MTHFD1L: variants seen among roughly 807,000 people sequenced by gnomAD.
MTHFD1L encodes monofunctional C1-tetrahydrofolate synthase, mitochondrial.
A neutral mutation model predicts 119.5 loss-of-function variants in MTHFD1L; 81 were observed. That is an observed-to-expected ratio of 0.68 (90% CI 0.57 to 0.82). The LOEUF (loss-of-function observed/expected upper bound fraction) is 0.82. MTHFD1L is among the 40% of genes least tolerant of loss of function. The pLI is 0.00. For synonymous variants in MTHFD1L, 430 were observed against 475.2 expected (o/e 0.90, Z 1.24); for missense variants, 1,125 against 1,253.4 (o/e 0.90, Z 1.55).
Position 150,945,459 on chromosome 6 carries a change from G to GT in MTHFD1L, c.1549-3dup, listed in dbSNP as rs781288644. The GT allele has an allele frequency of 5.6e-6, 9 of 1,609,244 alleles. No individual in the cohort carries two copies. The highest frequency in any genetic ancestry group is 7.6e-6 in the Non-Finnish European group (9 of 1,178,576). On this transcript the variant is annotated splice_polypyrimidine_tract_variant and splice_region_variant and intron_variant, in intron 14 of 27. Coordinates refer to ENST00000367321, the MANE Select transcript of MTHFD1L (RefSeq NM_015440.5). Reference sequence around the variant, plus strand: ...TTGTGTGGTCTCATTTTTGTTTTGTGTTTTTAGGCTCTGTATAATCGGCTG... The same window carrying GT: ...TTGTGTGGTCTCATTTTTGTTTTGTGTTTTTTAGGCTCTGTATAATCGGCTG...
chr6:151,001,385 A>G (rs951486532), intron 20 of MTHFD1L, among the ~76,000 whole-genome samples: 1 of 152,222 alleles, frequency 6.6e-6, no homozygotes, highest in South Asian at 2.1e-4. Context: ...CGGAAAAACT[A>G]TCTCAGCACT....
chr6:150,971,829 A>G (rs573571286), intron 19 of MTHFD1L, 118 bp from the exon 20 acceptor site: 319 of 752,282 alleles, frequency 4.2e-4, no homozygotes, highest in Admixed American at 1.0e-3. Context: ...GAAATATTTT[A>G]TGCATTAAAT....
chr6:150,917,290 G>A lies in MTHFD1L; in HGVS notation c.893-1287G>A, dbSNP rs547154562. 4.8e-3 allele frequency among the ~76,000 whole-genome samples: 727 copies of A among 152,124 alleles called. 4 individuals carry two copies. Among genetic ancestry groups the A allele is most frequent in the Middle Eastern group, 0.017 (5 of 294 alleles). On this transcript the variant is annotated intron_variant, in intron 8 of 27. Coordinates refer to ENST00000367321, the MANE Select transcript of MTHFD1L (RefSeq NM_015440.5). Reference sequence around the variant, plus strand: ...TATAACCCCAGCACTTTGGGAGGCCGAGGTGGGCAGATCACTGAGGCCAGG... The same window carrying A: ...TATAACCCCAGCACTTTGGGAGGCCAAGGTGGGCAGATCACTGAGGCCAGG...
intron 26 of MTHFD1L, among the ~76,000 whole-genome samples, chr6:151,070,291 C>T (rs750165115): frequency 6.6e-6 from 1 of 152,082 alleles, no homozygotes; most frequent in Non-Finnish European, 1.5e-5. Flanking sequence ...CTTAGAAGTC[C>T]CCAAAAATGC....
chr6:151,025,986 AT>A (rs1251944869), intron 24 of MTHFD1L, among the ~76,000 whole-genome samples: 1 of 152,182 alleles, frequency 6.6e-6, no homozygotes, highest in Non-Finnish European at 1.5e-5. Flanking sequence ...CTAACAGTTC[AT>A]TTTTAAACTT....
Position 151,014,825 on chromosome 6 carries a change from G to T in MTHFD1L, c.2308-55G>T. 4 of 1,426,418 alleles carry T rather than the reference G, an allele frequency of 2.8e-6. No individual in the cohort carries two copies. The South Asian group carries it at 3.6e-5, about 13-fold the overall frequency. 88.4% of individuals were successfully genotyped at this position (1,426,418 alleles called of 1,614,324 possible). On this transcript the variant is annotated intron_variant, in intron 22 of 27. Transcript: ENST00000367321. ...AGGTGCTGGCAGTTTAGCTTGGCAG[G>T]TTTGGTGGGAGACAATACACAGGGG...
chr6:151,055,537 TG>T (rs149258450), intron 26 of MTHFD1L, among the ~76,000 whole-genome samples: 3,834 of 150,052 alleles, frequency 0.026, 114 homozygotes, highest in Admixed American at 0.08. Context: ...TTTTTTTTTT[TG>T]TTTTTGGAGA....
intron 27 of MTHFD1L, among the ~76,000 whole-genome samples, chr6:151,094,662 G>A (rs1419179406): frequency 6.6e-6 from 1 of 152,176 alleles, no homozygotes; most frequent in African/African-American, 2.4e-5. Context: ...TCCTGCCTCA[G>A]CCTCCCAAGC....
intron 26 of MTHFD1L, among the ~76,000 whole-genome samples, chr6:151,058,249 G>A (rs1790216304): frequency 6.6e-6 from 1 of 152,350 alleles, no homozygotes; most frequent in Non-Finnish European, 1.5e-5. Context: ...AGAAAGAGGA[G>A]TATCTAGTAC....
chr6:150,866,536 C>T lies in MTHFD1L; in HGVS notation c.227+487C>T, dbSNP rs1228716651. Reference sequence around the variant, plus strand: ...AGGCGGGCTCGGGCCCAGCGCCGCCCGCGCGAAGCTCCCTGGTGTTGTGCG... The same window carrying T: ...AGGCGGGCTCGGGCCCAGCGCCGCCTGCGCGAAGCTCCCTGGTGTTGTGCG... On this transcript the variant is annotated intron_variant, in intron 1 of 27. Coordinates refer to ENST00000367321, the MANE Select transcript of MTHFD1L (RefSeq NM_015440.5). 4 of 1,270,216 alleles carry T rather than the reference C, an allele frequency of 3.1e-6. No homozygotes were observed. The African/African-American group carries it at 6.2e-5, about 20-fold the overall frequency. 78.7% of individuals were successfully genotyped at this position (1,270,216 alleles called of 1,614,324 possible). A position where few individuals can be genotyped will look rare whatever the true frequency, so the allele number is the denominator to read the frequency against.
intron 13 of MTHFD1L, among the ~76,000 whole-genome samples, chr6:150,942,263 A>G (rs1793260794): frequency 6.6e-6 from 1 of 152,184 alleles, no homozygotes; most frequent in Non-Finnish European, 1.5e-5. Context: ...CCGTCTCCAA[A>G]TAAATAAATA....
At chr6:150,885,399 T>C (rs915453193) in intron 5 of MTHFD1L, among the ~76,000 whole-genome samples, 1 of 152,216 alleles carries the variant, frequency 6.6e-6, no homozygotes, top group African/African-American at 2.4e-5. Flanking sequence ...TTTCGCCATG[T>C]TGGCCAGGCT....
chr6:150,943,440 G>A (rs562239295), intron 13 of MTHFD1L, among the ~76,000 whole-genome samples: 1 of 151,834 alleles, frequency 6.6e-6, no homozygotes, highest in East Asian at 1.9e-4. Flanking sequence ...AGACCAACCT[G>A]TGCAACATAG....
chr6:150,974,254 GA>G (rs1776217591), intron 20 of MTHFD1L, among the ~76,000 whole-genome samples: 1 of 152,182 alleles, frequency 6.6e-6, no homozygotes. Context: ...AGGCATCAAT[GA>G]GATCATGGGG....
chr6:150,922,695 G>T (rs1324992451), intron 10 of MTHFD1L, among the ~76,000 whole-genome samples: 2 of 139,044 alleles, frequency 1.4e-5, no homozygotes. Flanking sequence ...CCAGGCTAGA[G>T]TGCAATGGTG....
At chr6:151,093,562 C>CA (rs1182439900) in intron 27 of MTHFD1L, among the ~76,000 whole-genome samples, 1 of 152,048 alleles carries the variant, frequency 6.6e-6, no homozygotes, top group Non-Finnish European at 1.5e-5. Flanking sequence ...GAGGCTGAGG[C>CA]AGAGAATTGC....
chr6:150,909,801 G>A (rs1786546319), intron 8 of MTHFD1L, among the ~76,000 whole-genome samples: 1 of 152,140 alleles, frequency 6.6e-6, no homozygotes, highest in African/African-American at 2.4e-5. Flanking sequence ...TGTGGAAGAG[G>A]GGAAGAGCCC....
intron 6 of MTHFD1L, 119 bp from the exon 7 acceptor site, chr6:150,887,726 G>C: frequency 9.1e-7 from 1 of 1,101,562 alleles, no homozygotes; most frequent in Non-Finnish European, 1.2e-6. Context: ...CAAAGTGCTG[G>C]AATTATAGGC....
At chr6:150,896,053 A>G (rs1266450004) in intron 7 of MTHFD1L, among the ~76,000 whole-genome samples, 1 of 152,196 alleles carries the variant, frequency 6.6e-6, no homozygotes, top group East Asian at 1.9e-4. Context: ...ACTGAGGCTT[A>G]GAGAGGAGAC....
Sources: allele counts gnomAD v4.1 joint callset (sites outside exome capture counted in the v4.1 genomes callset), GRCh38; gene constraint gnomAD v4.1.1; transcripts MANE v1.5; gene names NCBI Gene and HGNC (gene_info 2026-07-23, HGNC 2026-07-21).